TMEM232: variants seen among roughly 807,000 people sequenced by gnomAD.
The protein encoded by TMEM232 is transmembrane protein 232.
In TMEM232, 80 loss-of-function variants were observed where a neutral mutation model predicts 78.8. The ratio of observed to expected loss-of-function variants is 1.01; its 90% CI spans 0.85 to 1.22. The LOEUF is 1.22. Ranked by LOEUF, TMEM232 falls within the 50% of genes most tolerant of loss-of-function variation. TMEM232 has a pLI of 0.00. For missense variants in TMEM232, 881 were observed against 742.2 expected (o/e 1.19, Z -2.17); for synonymous variants, 297 against 254.3 (o/e 1.17, Z -1.60).
chr5:110,390,390 A>G (rs989352647), intron 4 of TMEM232: 11 of 152,202 alleles, frequency 7.2e-5, no homozygotes, highest in Non-Finnish European at 4.4e-5. Flanking sequence ...GTGACCCTTT[A>G]TCACCATCTC....
chr5:110,620,214 G>A (rs1783455401), intron 7 of TMEM232, among the ~76,000 whole-genome samples: 1 of 152,052 alleles, frequency 6.6e-6, no homozygotes, highest in Non-Finnish European at 1.5e-5. Context: ...TCTCATGTCT[G>A]GGATTGATTT....
upstream of TMEM232, chr5:110,738,391 C>T (rs1314032704): frequency 1.9e-6 from 1 of 526,166 alleles, no homozygotes; most frequent in African/African-American, 2.1e-5. Flanking sequence ...TTCTTTACAG[C>T]CTTAGAAAAG....
intron 11 of TMEM232, among the ~76,000 whole-genome samples, chr5:110,563,817 T>C (rs1021817332): frequency 1.3e-5 from 2 of 151,968 alleles, no homozygotes; most frequent in African/African-American, 4.8e-5. Context: ...TGAAGCACAG[T>C]TGCATAAAAG....
At chr5:110,669,769 A>G (rs948730776) in intron 1 of TMEM232, among the ~76,000 whole-genome samples, 1 of 152,224 alleles carries the variant, frequency 6.6e-6, no homozygotes, top group Non-Finnish European at 1.5e-5. Context: ...AGCACATCAA[A>G]AAGCTTATCC....
At chr5:110,681,198 T>C (rs771243855) in intron 1 of TMEM232, among the ~76,000 whole-genome samples, 1 of 152,120 alleles carries the variant, frequency 6.6e-6, no homozygotes, top group African/African-American at 2.4e-5. Flanking sequence ...TCAGGCAGTG[T>C]TGATAGCCAT....
intron 10 of TMEM232, among the ~76,000 whole-genome samples, chr5:110,595,712 G>C (rs937521806): frequency 3.9e-5 from 6 of 152,016 alleles, no homozygotes; most frequent in Admixed American, 1.3e-4. Flanking sequence ...AAAGCATAAA[G>C]ACAAAATCAG....
At chr5:110,537,500 C>A (rs1215731269) in intron 11 of TMEM232, among the ~76,000 whole-genome samples, 4 of 152,110 alleles carry the variant, frequency 2.6e-5, no homozygotes, top group African/African-American at 9.7e-5. Flanking sequence ...AGAACCAGCC[C>A]CCCAAGGGAA....
intron 12 of TMEM232, among the ~76,000 whole-genome samples, chr5:110,469,982 C>G (rs75527647): frequency 1.3e-5 from 2 of 152,192 alleles, no homozygotes; most frequent in African/African-American, 2.4e-5. Flanking sequence ...CCTGCCCCCC[C>G]GGAACCCCAG....
chr5:110,451,933 G>C (rs1262995072), intron 12 of TMEM232, among the ~76,000 whole-genome samples: 1 of 151,956 alleles, frequency 6.6e-6, no homozygotes, highest in East Asian at 1.9e-4. Flanking sequence ...CAGAAAATCT[G>C]TTTAAAAACA....
At chr5:110,672,994 A>T (rs1048803902) in intron 1 of TMEM232, among the ~76,000 whole-genome samples, 2 of 152,172 alleles carry the variant, frequency 1.3e-5, no homozygotes, top group Non-Finnish European at 2.9e-5. Flanking sequence ...CTATAAAGAG[A>T]CATGCACACG....
At chr5:110,640,449 T>G (rs1786518370) in intron 4 of TMEM232, among the ~76,000 whole-genome samples, 1 of 152,072 alleles carries the variant, frequency 6.6e-6, no homozygotes, top group African/African-American at 2.4e-5. Flanking sequence ...AAAGGAGGCA[T>G]AAATGAGGAG....
intron 1 of TMEM232, among the ~76,000 whole-genome samples, chr5:110,722,811 G>C (rs1028162551): frequency 5.9e-5 from 9 of 152,156 alleles, no homozygotes; most frequent in Non-Finnish European, 1.3e-4. Context: ...TTATATGCTT[G>C]TTTGTGTATC....
intron 2 of TMEM232, among the ~76,000 whole-genome samples, chr5:110,659,935 G>T (rs1789567460): frequency 6.6e-6 from 1 of 151,840 alleles, no homozygotes; most frequent in African/African-American, 2.4e-5. Flanking sequence ...TTAATGAGAT[G>T]ATCTCATACA....
chr5:110,690,747 G>A (rs547625691), intron 1 of TMEM232, among the ~76,000 whole-genome samples: 5 of 152,226 alleles, frequency 3.3e-5, no homozygotes, highest in East Asian at 3.9e-4. Context: ...ATGATAGACT[G>A]GATAAAGAAA....
At chr5:110,488,015 C>A (rs566351740) in intron 12 of TMEM232, among the ~76,000 whole-genome samples, 23 of 152,058 alleles carry the variant, frequency 1.5e-4, no homozygotes, top group African/African-American at 5.5e-4. Flanking sequence ...TTTTTAATTA[C>A]CATTTCAGTC....
intron 1 of TMEM232, among the ~76,000 whole-genome samples, chr5:110,672,958 T>A (rs1791553730): frequency 6.6e-6 from 1 of 152,100 alleles, no homozygotes; most frequent in South Asian, 2.1e-4. Context: ...ACTGGGTATA[T>A]ACCCAAAGGA....
chr5:110,431,652 C>T, intron 12 of TMEM232, among the ~76,000 whole-genome samples: 1 of 117,250 alleles, frequency 8.5e-6, no homozygotes, highest in Non-Finnish European at 1.6e-5. Flanking sequence ...AAATAAATAG[C>T]CAGGTGAAGA....
At chr5:110,542,105 C>T (rs1187473875) in intron 11 of TMEM232, among the ~76,000 whole-genome samples, 1 of 152,154 alleles carries the variant, frequency 6.6e-6, no homozygotes, top group Non-Finnish European at 1.5e-5. Flanking sequence ...CTGAAGCTCC[C>T]ATCAGCCACT....
At chr5:110,431,149 C>T (rs73220713) in intron 12 of TMEM232, among the ~76,000 whole-genome samples, 2 of 151,414 alleles carry the variant, frequency 1.3e-5, no homozygotes, top group Non-Finnish European at 3.0e-5. Context: ...ACCACACACA[C>T]CACTAAGTTT....
Sources: allele counts gnomAD v4.1 joint callset (sites outside exome capture counted in the v4.1 genomes callset), GRCh38; gene constraint gnomAD v4.1.1; transcripts MANE v1.5; gene names NCBI Gene and HGNC (gene_info 2026-07-23, HGNC 2026-07-21).